The following FZR1 variants were observed in gnomAD, a reference collection of about 807,000 sequenced individuals.
FZR1 encodes fizzy and cell division cycle 20 related 1, also known as fizzy-related protein homolog.
In FZR1, 11 loss-of-function variants were observed where a neutral mutation model predicts 63.6. The ratio of observed to expected loss-of-function variants is 0.17; its 90% CI spans 0.11 to 0.29. The LOEUF (loss-of-function observed/expected upper bound fraction) is 0.29, where lower values mean the gene tolerates loss of function less well. FZR1 is among the 10% of genes least tolerant of loss of function. FZR1 has a pLI of 1.00. For missense variants in FZR1, 440 were observed against 687.5 expected (o/e 0.64, Z 4.03); for synonymous variants, 328 against 297.9 (o/e 1.10, Z -1.04).
Position 3,506,325 on chromosome 19 carries a change from C to G in FZR1, c.-184C>G, listed in dbSNP as rs1284214777. The G allele has an allele frequency of 6.6e-6, 1 of 150,742 alleles. No homozygotes were observed. Among genetic ancestry groups the G allele is most frequent in the Non-Finnish European group, 1.5e-5 (1 of 67,564 alleles). The allele number at this position is 150,742 out of a possible 1,614,324, so 9.3% of individuals were successfully genotyped here. ...AGCCGGGAGGCAGCGGAGGAGCGACCGCCGCCATATTAGGGACCGCGGAGC... is the reference window on the plus strand; with the variant it reads ...AGCCGGGAGGCAGCGGAGGAGCGACGGCCGCCATATTAGGGACCGCGGAGC... On this transcript the variant is annotated 5_prime_UTR_variant, in exon 1 of 14. Coordinates refer to ENST00000441788, the MANE Select transcript of FZR1 (RefSeq NM_016263.4).
intron 1 of FZR1, chr19:3,521,349 A>G (rs1286774838): frequency 6.6e-6 from 1 of 152,150 alleles, no homozygotes; most frequent in African/African-American, 2.4e-5. Context: ...TGAGGAACTT[A>G]CCTGCCAAAG....
intron 7 of FZR1, among the ~76,000 whole-genome samples, chr19:3,528,751 GTGGGTGTGTGGATGGGTGCGTGGA>G (rs2083191015): frequency 1.7e-5 from 2 of 118,654 alleles, no homozygotes; most frequent in African/African-American, 6.8e-5. Flanking sequence ...GGGAGAGTGG[GTGGGTGTGTGGATGGGTGCGTGGA>G]TGGGTGCGTG....
intron 1 of FZR1, among the ~76,000 whole-genome samples, chr19:3,522,109 G>A (rs560562746): frequency 6.6e-6 from 1 of 152,328 alleles, no homozygotes; most frequent in African/African-American, 2.4e-5. Flanking sequence ...AAAAAGAACC[G>A]CTGTATTTAC....
Position 3,527,056 on chromosome 19 carries a change from A to G in FZR1, c.464A>G (p.Asn155Ser), listed in dbSNP as rs200311992. The G allele has an allele frequency of 5.0e-6, 8 of 1,606,432 alleles. No homozygotes were observed. In the Admixed American group the frequency reaches 5.0e-5, roughly 10 times the overall value. Reference sequence around the variant, plus strand: ...CCCTACTCCCTGTCTCCCGTCAGCAACAAGAGGTGGGTCCCAGCTTCCTCC... The same window carrying G: ...CCCTACTCCCTGTCTCCCGTCAGCAGCAAGAGGTGGGTCCCAGCTTCCTCC... ...VSPYSLSPVS[N>S]KSQKLLRSPR... Residue 155 changes from asparagine to serine, a missense_variant, in exon 6 of 14, where the codon AAC (asparagine) becomes AGC (serine). Around this residue, in one of 5 missense-constraint regions of FZR1, gnomAD observed 200 missense variants for 245.1 expected, o/e 0.82. Coordinates refer to ENST00000441788, the MANE Select transcript of FZR1 (RefSeq NM_016263.4).
chr19:3,520,360 G>C (rs1184520876), intron 1 of FZR1, among the ~76,000 whole-genome samples: 1 of 152,162 alleles, frequency 6.6e-6, no homozygotes, highest in African/African-American at 2.4e-5. Context: ...AGAGCTGCTG[G>C]CCATTGCTCT....
chr19:3,523,514 G>T (rs1300165207), intron 2 of FZR1, among the ~76,000 whole-genome samples: 1 of 152,238 alleles, frequency 6.6e-6, no homozygotes, highest in African/African-American at 2.4e-5. Flanking sequence ...GGGTCTCGGG[G>T]CTGGTGGCTG....
intron 6 of FZR1, 71 bp from the exon 7 acceptor site, chr19:3,527,560 C>T (rs2083172982): frequency 2.4e-6 from 3 of 1,241,490 alleles, no homozygotes; most frequent in South Asian, 2.7e-5. Flanking sequence ...GGGAAGGAGA[C>T]ACTTCCCAAG....
intron 2 of FZR1, among the ~76,000 whole-genome samples, chr19:3,523,403 T>A (rs570289963): frequency 6.6e-6 from 1 of 152,254 alleles, no homozygotes; most frequent in South Asian, 2.1e-4. Flanking sequence ...CCTGTGGGAT[T>A]TGGGGGGCCC....
chr19:3,532,862 C>A (rs1468252403), intron 11 of FZR1, among the ~76,000 whole-genome samples: 1 of 152,058 alleles, frequency 6.6e-6, no homozygotes, highest in Non-Finnish European at 1.5e-5. Context: ...CTTGGGGCCT[C>A]TGGGCCCCCA....
At chr19:3,531,631 A>C (rs2083248446) in intron 8 of FZR1, 83 bp from the exon 9 acceptor site, 2 of 905,988 alleles carry the variant, frequency 2.2e-6, no homozygotes, top group Non-Finnish European at 3.4e-6. Flanking sequence ...GTGAGGAGAG[A>C]GCCTGGCGCG....
chr19:3,517,818 G>A (rs1599775769), intron 1 of FZR1, among the ~76,000 whole-genome samples: 4 of 151,788 alleles, frequency 2.6e-5, no homozygotes, highest in African/African-American at 9.7e-5. Flanking sequence ...ACAAAAAAGG[G>A]TCATCTGAAA....
chr19:3,514,952 G>T lies in FZR1; in HGVS notation c.-34-8004G>T, dbSNP rs532662374. ...CATTCTGGGGCCCAGGGGGTGAAAGGTGGACCTTCCCTATGAGCTGGCCCA... is the reference window on the plus strand; with the variant it reads ...CATTCTGGGGCCCAGGGGGTGAAAGTTGGACCTTCCCTATGAGCTGGCCCA... On this transcript the variant is annotated intron_variant, in intron 1 of 13. Transcript: ENST00000441788. This position sits in a 1 kb window ranked among gnomAD's most constrained non-coding sequence, Gnocchi z 4.2. Among the ~76,000 whole-genome samples, 18 of 152,148 alleles carry T rather than the reference G, an allele frequency of 1.2e-4. No homozygotes were observed. The highest frequency in any genetic ancestry group is 1.5e-4 in the Non-Finnish European group (10 of 68,000).
chr19:3,527,617 G>C lies in FZR1; in HGVS notation c.471-14G>C, dbSNP rs750562339. The C allele has an allele frequency of 2.6e-5, 41 of 1,595,492 alleles. No individual in the cohort carries two copies. Among genetic ancestry groups the C allele is most frequent in the Non-Finnish European group, 2.6e-5 (31 of 1,171,750 alleles). On this transcript the variant is annotated splice_polypyrimidine_tract_variant and intron_variant, in intron 6 of 13. Coordinates refer to ENST00000441788, the MANE Select transcript of FZR1 (RefSeq NM_016263.4). ...GTGCCGTGGCTCACGGATGCCACGT[G>C]GCCGCCTCTGCAGCCAGAAGCTGCT...
rs752114074 is a variant in FZR1 at position 3,527,739 on chromosome 19, G to A, written c.579G>A (p.Val193=). The change falls in exon 7 of 14, where the codon GTG becomes GTA. Residue 193 remains valine, a synonymous_variant. Transcript: ENST00000441788. The part of the protein sequence containing the change: ...ELQDDFYLNL[V]DWSSLNVLSV... Reference sequence around the variant, plus strand: ...AGGACGACTTCTACCTCAATCTGGTGGACTGGTCGTCCCTCAATGTGCTCA... The same window carrying A: ...AGGACGACTTCTACCTCAATCTGGTAGACTGGTCGTCCCTCAATGTGCTCA... 1.2e-6 allele frequency: 2 copies of A among 1,612,726 alleles called. No homozygotes were observed. Among genetic ancestry groups the A allele is most frequent in the South Asian group, 1.1e-5 (1 of 91,084 alleles).
chr19:3,509,560 C>T (rs376547160), intron 1 of FZR1, among the ~76,000 whole-genome samples: 4 of 152,316 alleles, frequency 2.6e-5, no homozygotes, highest in African/African-American at 9.6e-5. Flanking sequence ...AGGCTCGGGC[C>T]GCCATCACCT....
At chr19:3,528,761 G>A (rs1394344233) in intron 7 of FZR1, among the ~76,000 whole-genome samples, 2 of 120,260 alleles carry the variant, frequency 1.7e-5, no homozygotes, top group Non-Finnish European at 3.4e-5. Flanking sequence ...GTGGGTGTGT[G>A]GATGGGTGCG....
chr19:3,506,478 AGGCGGCCG>A lies in FZR1; in HGVS notation c.-35+7_-35+14del, dbSNP rs1459901092. ...GCGAGCCACGGGAGCGAGCCAGGTGAGGCGGCCGGGGTCGGGGACCCGCCCCCCGGGCC... is the reference window on the plus strand; with the variant it reads ...GCGAGCCACGGGAGCGAGCCAGGTGAGGGTCGGGGACCCGCCCCCCGGGCC... On this transcript the variant is annotated splice_donor_5th_base_variant and intron_variant, in intron 1 of 13. Coordinates refer to ENST00000441788, the MANE Select transcript of FZR1 (RefSeq NM_016263.4). 3 of 151,000 alleles carry A rather than the reference AGGCGGCCG, an allele frequency of 2.0e-5. No individual in the cohort carries two copies. The highest frequency in any genetic ancestry group is 4.4e-5 in the Non-Finnish European group (3 of 67,674). The allele number at this position is 151,000 out of a possible 1,614,324, so 9.4% of individuals were successfully genotyped here. A position where few individuals can be genotyped will look rare whatever the true frequency, so the allele number is the denominator to read the frequency against.
Position 3,527,839 on chromosome 19 carries a change from G to T in FZR1, c.654+25G>T, listed in dbSNP as rs766514179. The T allele has an allele frequency of 1.9e-6, 3 of 1,571,956 alleles. No homozygotes were observed. The East Asian group carries it at 6.8e-5, about 36-fold the overall frequency. On this transcript the variant is annotated intron_variant, in intron 7 of 13. Transcript: ENST00000441788. ...GGTGGGTGCTGCGTGGGGTGTGCAT[G>T]TGCATGGGGGCCTCCCCAGCTCCCA...
chr19:3,510,628 G>T (rs2083017819), intron 1 of FZR1, among the ~76,000 whole-genome samples: 1 of 152,244 alleles, frequency 6.6e-6, no homozygotes, highest in Admixed American at 6.5e-5. Context: ...GGTGGGCAGT[G>T]GGCATCTGTC....
Sources: allele counts gnomAD v4.1 joint callset (sites outside exome capture counted in the v4.1 genomes callset), GRCh38; gene constraint gnomAD v4.1.1; regional missense constraint gnomAD v4.1.1; non-coding constraint Gnocchi (gnomAD v3.1); transcripts MANE v1.5; gene names NCBI Gene and HGNC (gene_info 2026-07-23, HGNC 2026-07-21).